The following ASTN2 variants were observed in gnomAD, a reference collection of about 807,000 sequenced individuals.
The protein encoded by ASTN2 is astrotactin-2.
Under a neutral mutation model 139.8 loss-of-function variants are expected in ASTN2, and 54 were observed. The observed-to-expected ratio is 0.39, with a 90% CI of 0.31 to 0.48. The LOEUF (loss-of-function observed/expected upper bound fraction) is 0.48. Among genes scored for constraint, ASTN2 ranks in the 20% least tolerant of loss-of-function variants. The pLI, the probability that ASTN2 is intolerant of heterozygous loss-of-function variation, is 0.95. For synonymous variants in ASTN2, 756 were observed against 719.5 expected, an observed-to-expected ratio of 1.05 and a Z score of -0.81; for missense variants, 1,565 against 1,725.1, an observed-to-expected ratio of 0.91 and a Z score of 1.64.
intron 6 of ASTN2, among the ~76,000 whole-genome samples, chr9:117,012,462 C>T (rs536699630): frequency 6.6e-6 from 1 of 152,256 alleles, no homozygotes; most frequent in Admixed American, 6.5e-5. Flanking sequence ...AAACTCCTTC[C>T]TGCGTAAGAA....
At chr9:117,024,337 T>C (rs1837986814) in intron 6 of ASTN2, among the ~76,000 whole-genome samples, 1 of 152,120 alleles carries the variant, frequency 6.6e-6, no homozygotes, top group South Asian at 2.1e-4. Flanking sequence ...GGTTTCAAAA[T>C]AAAATTGCAA....
intron 3 of ASTN2, among the ~76,000 whole-genome samples, chr9:117,198,056 T>C (rs1588067078): frequency 3.3e-5 from 5 of 152,178 alleles, no homozygotes; most frequent in Admixed American, 1.3e-4. Flanking sequence ...AGTTTTTTTT[T>C]CCTTTATTTC....
At chr9:117,157,554 A>G (rs144159477) in intron 3 of ASTN2, among the ~76,000 whole-genome samples, 2 of 152,094 alleles carry the variant, frequency 1.3e-5, no homozygotes, top group East Asian at 3.9e-4. Flanking sequence ...GCCAAGTCAG[A>G]TCTATCTGTC....
intron 17 of ASTN2, among the ~76,000 whole-genome samples, chr9:116,626,772 A>G (rs1244586260): frequency 6.6e-6 from 1 of 152,208 alleles, no homozygotes; most frequent in Non-Finnish European, 1.5e-5. Flanking sequence ...TGGTGCGCCC[A>G]TGCTGACAAT....
chr9:117,084,987 C>T (rs983031983), intron 5 of ASTN2, among the ~76,000 whole-genome samples: 2 of 152,176 alleles, frequency 1.3e-5, no homozygotes, highest in Non-Finnish European at 2.9e-5. Flanking sequence ...CCTAGGACAC[C>T]TGCCTTGATC....
chr9:117,088,619 C>A (rs1587949841), intron 5 of ASTN2, among the ~76,000 whole-genome samples: 1 of 152,232 alleles, frequency 6.6e-6, no homozygotes, highest in East Asian at 1.9e-4. Context: ...CAGAAAATCC[C>A]AGCTTAGGAA....
intron 10 of ASTN2, among the ~76,000 whole-genome samples, chr9:116,867,845 T>A (rs1162661459): frequency 6.6e-6 from 1 of 152,090 alleles, no homozygotes; most frequent in Non-Finnish European, 1.5e-5. Context: ...GAATGAAGAA[T>A]CTGAGCGCAA....
At chr9:117,245,633 C>T (rs939390391) in intron 2 of ASTN2, among the ~76,000 whole-genome samples, 10 of 152,098 alleles carry the variant, frequency 6.6e-5, no homozygotes, top group African/African-American at 2.4e-4. Context: ...TCAGGCACAC[C>T]CTGAATGCAC....
At chr9:117,317,895 CCAGGACAGAGAGCTGG>C (rs975585377) in intron 1 of ASTN2, among the ~76,000 whole-genome samples, 5 of 152,174 alleles carry the variant, frequency 3.3e-5, no homozygotes, top group African/African-American at 1.2e-4. Context: ...GGGCTGTGAC[CCAGGACAGAGAGCTGG>C]CAGGACTGAG....
intron 10 of ASTN2, among the ~76,000 whole-genome samples, chr9:116,894,201 CT>C (rs774025715): frequency 5.9e-5 from 9 of 152,228 alleles, no homozygotes; most frequent in Non-Finnish European, 1.2e-4. Context: ...CTTTCTGCCC[CT>C]GAACCCAGAG....
Position 116,487,493 on chromosome 9 carries a change from G to T in ASTN2, c.3363C>A (p.Phe1121Leu). The change falls in exon 20 of 23, where the codon TTC (phenylalanine) becomes TTA (leucine). Residue 1121 changes from phenylalanine (F) to leucine (L), a missense_variant. This residue lies in a region of ASTN2 where 418 missense variants were observed against 465.8 expected (regional missense o/e 0.90). Transcript: ENST00000313400. The stretch of plus-strand genomic sequence containing the variant: ...AGAGTAAGTCATCAGCAAAACTCAG[G>T]AATTCTCCTGGAGGGAGAAAAAGAA... ...YTDTDLYTGE[F>L]LSFADDLLSG... is the part of the protein sequence containing the mutation. 6.2e-7 allele frequency: 1 copy of T among 1,613,772 alleles called. No individual in the cohort carries two copies. Among genetic ancestry groups the T allele is most frequent in the Non-Finnish European group, 8.5e-7 (1 of 1,179,908 alleles).
At chr9:117,067,083 T>A (rs372718010) in intron 5 of ASTN2, among the ~76,000 whole-genome samples, 1 of 78,190 alleles carries the variant, frequency 1.3e-5, no homozygotes, top group Non-Finnish European at 2.7e-5. Flanking sequence ...TCCTTGCCCA[T>A]GCCTATGTCC....
chr9:117,220,393 C>A (rs968242027), intron 2 of ASTN2, among the ~76,000 whole-genome samples: 2 of 152,152 alleles, frequency 1.3e-5, no homozygotes, highest in Non-Finnish European at 1.5e-5. Context: ...CACTCTCTAT[C>A]CCCTCAGCCT....
chr9:117,056,513 A>T (rs1839069343), intron 5 of ASTN2, among the ~76,000 whole-genome samples: 1 of 152,208 alleles, frequency 6.6e-6, no homozygotes, highest in South Asian at 2.1e-4. Flanking sequence ...TCAGGTGGAG[A>T]CATCATAATT....
chr9:116,630,956 G>T (rs563005391), intron 17 of ASTN2, among the ~76,000 whole-genome samples: 30 of 152,048 alleles, frequency 2.0e-4, no homozygotes, highest in Non-Finnish European at 3.8e-4. Context: ...TGAAAAAAAT[G>T]CTTAACATCA....
At chr9:117,003,953 C>CGCGCGCGCGCGCGCGTGTGTGTGTGTGT (rs1218309835) in intron 7 of ASTN2, among the ~76,000 whole-genome samples, 12 of 146,226 alleles carry the variant, frequency 8.2e-5, no homozygotes, top group African/African-American at 3.1e-4. Context: ...CGCGCGCGCG[C>CGCGCGCGCGCGCGCGTGTGTGTGTGTGT]GTGTGTGTGT....
chr9:117,060,911 A>G (rs1839270708), intron 5 of ASTN2, among the ~76,000 whole-genome samples: 1 of 152,136 alleles, frequency 6.6e-6, no homozygotes, highest in South Asian at 2.1e-4. Context: ...AGGGAAAAGA[A>G]AAGAAAAAAA....
intron 3 of ASTN2, among the ~76,000 whole-genome samples, chr9:117,195,493 G>C (rs1397713304): frequency 6.6e-6 from 1 of 152,122 alleles, no homozygotes; most frequent in Non-Finnish European, 1.5e-5. Context: ...AAAGCAGGAA[G>C]ACCAATAAGT....
intron 7 of ASTN2, among the ~76,000 whole-genome samples, chr9:117,003,949 CGCGCGTGT>C (rs1380078028): frequency 7.8e-6 from 1 of 128,676 alleles, no homozygotes; most frequent in Admixed American, 7.2e-5. Context: ...CACGCGCGCG[CGCGCGTGT>C]GTGTGTGTGT....
Sources: gnomAD v4.1 joint callset for allele counts (sites outside exome capture counted in the v4.1 genomes callset) on GRCh38, gnomAD v4.1.1 for gene constraint, gnomAD v4.1.1 regional missense constraint, MANE v1.5 for transcripts, NCBI Gene and HGNC (gene_info 2026-07-23, HGNC 2026-07-21) for gene names.